The following RXFP1 variants were observed in gnomAD, a reference collection of about 807,000 sequenced individuals.
RXFP1 encodes the protein relaxin family peptide receptor 1, also known as relaxin receptor 1.
A neutral mutation model predicts 89.8 loss-of-function variants in RXFP1; 73 were observed. The observed-to-expected ratio is 0.81, with a 90% confidence interval of 0.67 to 0.99. RXFP1 has a LOEUF of 0.99. Ranked by LOEUF, RXFP1 falls within the 50% of genes least tolerant of loss-of-function variation. The pLI is 0.00. For synonymous variants in RXFP1, 277 were observed against 305.5 expected (o/e 0.91, Z 0.97); for missense variants, 793 against 895.5 (o/e 0.89, Z 1.46).
rs993294294 is a variant in RXFP1 at position 158,602,206 on chromosome 4, T to G, written c.392+2775T>G. Among the ~76,000 whole-genome samples the G allele has an allele frequency of 5.3e-5, 8 of 152,348 alleles. No homozygotes were observed. In the East Asian group the frequency reaches 1.5e-3, roughly 29 times the overall value. On this transcript the variant is annotated intron_variant, in intron 4 of 17. Coordinates refer to ENST00000307765, the MANE Select transcript of RXFP1 (RefSeq NM_021634.4). ...TATTGTGAAATGTAGAGAATGTTATTTGTCAAAATATTTTATGTCATTTAG... is the reference window on the plus strand; with the variant it reads ...TATTGTGAAATGTAGAGAATGTTATGTGTCAAAATATTTTATGTCATTTAG...
chr4:158,597,298 A>G (rs180967820), intron 3 of RXFP1, among the ~76,000 whole-genome samples: 9 of 152,324 alleles, frequency 5.9e-5, no homozygotes, highest in Admixed American at 5.2e-4. Flanking sequence ...AATATAATGG[A>G]AAATATAATA....
rs764817904 is a variant in RXFP1, at chr4:158,648,592, G to C, written c.1850G>C (p.Arg617Pro). 1 of 1,612,910 alleles carries C rather than the reference G, an allele frequency of 6.2e-7. No individual in the cohort carries two copies. The highest frequency in any genetic ancestry group is 8.5e-7 in the Non-Finnish European group (1 of 1,179,170). Residue 617 changes from arginine to proline, a missense_variant, in exon 17 of 18, where the codon CGG becomes CCG. By Grantham distance (103) the Arg-to-Pro change is moderately radical (BLOSUM62 -2). Coordinates refer to ENST00000307765, the MANE Select transcript of RXFP1 (RefSeq NM_021634.4). ...HQSAITATEI[R>P]NQVKKEMILA... ...AGTGCCATAACAGCAACTGAAATAC[G>C]GAATCAAGTTAAAAAAGAGATGATC...
At chr4:158,584,094 C>T (rs964061796) in intron 2 of RXFP1, among the ~76,000 whole-genome samples, 1 of 152,002 alleles carries the variant, frequency 6.6e-6, no homozygotes, top group African/African-American at 2.4e-5. Context: ...CCACTGTGTT[C>T]GAAGAATGAG....
intron 2 of RXFP1, among the ~76,000 whole-genome samples, chr4:158,592,353 C>A (rs571188057): frequency 2.0e-5 from 3 of 151,956 alleles, no homozygotes; most frequent in East Asian, 3.9e-4. Context: ...GCTGGTGGAT[C>A]ACCTGAGGTC....
chr4:158,569,547 C>T (rs993417502), intron 1 of RXFP1, among the ~76,000 whole-genome samples: 8 of 152,160 alleles, frequency 5.3e-5, no homozygotes, highest in Non-Finnish European at 1.0e-4. Context: ...GTACCTTTTG[C>T]TCTATTTTGC....
At chr4:158,588,735 T>C (rs1758791410) in intron 2 of RXFP1, among the ~76,000 whole-genome samples, 1 of 152,196 alleles carries the variant, frequency 6.6e-6, no homozygotes, top group African/African-American at 2.4e-5. Context: ...TGAAGTTGGG[T>C]CAATCTACAG....
intron 4 of RXFP1, among the ~76,000 whole-genome samples, chr4:158,603,717 C>A (rs1215074638): frequency 1.3e-5 from 2 of 151,652 alleles, no homozygotes; most frequent in African/African-American, 2.4e-5. Context: ...TGGTGAAACC[C>A]CATCTGTACT....
chr4:158,545,244 C>A (rs1450931985), intron 1 of RXFP1, among the ~76,000 whole-genome samples: 1 of 151,952 alleles, frequency 6.6e-6, no homozygotes, highest in Non-Finnish European at 1.5e-5. Flanking sequence ...GCATAAATGT[C>A]TTCTTTTGAG....
chr4:158,617,828 C>T (rs536165495), intron 9 of RXFP1, among the ~76,000 whole-genome samples: 26 of 152,134 alleles, frequency 1.7e-4, no homozygotes, highest in African/African-American at 4.8e-4. Flanking sequence ...TATGAAAACT[C>T]CCTCTGTCTC....
At position 158,651,974 on chromosome 4, in the gene RXFP1, G is replaced by A; in HGVS notation, c.2193G>A (p.Glu731=). Residue 731 remains glutamate, a synonymous_variant, in exon 18 of 18, where the codon GAG becomes GAA. Coordinates refer to ENST00000307765, the MANE Select transcript of RXFP1 (RefSeq NM_021634.4). ...EMWPLQEMPP[E]LMKPDLFTYP... ...GGCCACTGCAGGAGATGCCACCTGA[G>A]TTAATGAAGCCGGACCTTTTCACAT... is the stretch of plus-strand genomic sequence containing the variant. 6.2e-7 allele frequency: 1 copy of A among 1,614,156 alleles called. No individual in the cohort carries two copies. The highest frequency in any genetic ancestry group is 1.3e-5 in the African/African-American group (1 of 75,042).
intron 4 of RXFP1, among the ~76,000 whole-genome samples, chr4:158,604,770 A>T (rs994659408): frequency 1.3e-5 from 2 of 152,216 alleles, no homozygotes; most frequent in African/African-American, 4.8e-5. Context: ...AATGTTTGTT[A>T]AATACAAATA....
intron 1 of RXFP1, among the ~76,000 whole-genome samples, chr4:158,568,829 C>T (rs1007061425): frequency 8.5e-5 from 13 of 152,226 alleles, no homozygotes; most frequent in African/African-American, 3.1e-4. Context: ...TCCCGCTATA[C>T]TTCACAAAGG....
At chr4:158,621,286 T>C (rs1765585746) in intron 9 of RXFP1, among the ~76,000 whole-genome samples, 1 of 152,228 alleles carries the variant, frequency 6.6e-6, no homozygotes, top group Non-Finnish European at 1.5e-5. Flanking sequence ...CACTCCAGCC[T>C]GGGCAACAGA....
chr4:158,615,061 G>A (rs973860543), intron 8 of RXFP1, among the ~76,000 whole-genome samples: 1 of 152,048 alleles, frequency 6.6e-6, no homozygotes. Flanking sequence ...TAATTCTTGA[G>A]GGCCCATAAT....
intron 1 of RXFP1, among the ~76,000 whole-genome samples, chr4:158,570,484 C>T (rs975078298): frequency 6.6e-6 from 1 of 152,136 alleles, no homozygotes; most frequent in African/African-American, 2.4e-5. Flanking sequence ...GTGGCACTGC[C>T]ATGCTTCCAG....
At chr4:158,553,738 T>A (rs1431027355) in intron 1 of RXFP1, among the ~76,000 whole-genome samples, 1 of 152,102 alleles carries the variant, frequency 6.6e-6, no homozygotes, top group Admixed American at 6.5e-5. Flanking sequence ...GATTCTAGTT[T>A]CTATGGCCTG....
chr4:158,630,226 C>G (rs866794879), intron 11 of RXFP1, among the ~76,000 whole-genome samples: 1 of 152,104 alleles, frequency 6.6e-6, no homozygotes, highest in African/African-American at 2.4e-5. Flanking sequence ...TTATCTGTAG[C>G]CTGAAACACT....
At chr4:158,540,700 A>C (rs1297582471) in intron 1 of RXFP1, among the ~76,000 whole-genome samples, 1 of 151,610 alleles carries the variant, frequency 6.6e-6, no homozygotes, top group Non-Finnish European at 1.5e-5. Flanking sequence ...CTGAAGTTCA[A>C]GAAAGCTGTA....
intron 2 of RXFP1, among the ~76,000 whole-genome samples, chr4:158,584,471 A>G (rs958012698): frequency 3.9e-5 from 6 of 152,132 alleles, no homozygotes; most frequent in African/African-American, 1.4e-4. Flanking sequence ...TTGCATAAAT[A>G]CAAGCCTTAT....
Sources: gnomAD v4.1 joint callset for allele counts (sites outside exome capture counted in the v4.1 genomes callset) on GRCh38, gnomAD v4.1.1 for gene constraint, MANE v1.5 for transcripts, NCBI Gene and HGNC (gene_info 2026-07-23, HGNC 2026-07-21) for gene names.